Variants in ARHGEF10L observed in about 807,000 individuals in gnomAD.
ARHGEF10L encodes Rho guanine nucleotide exchange factor 10 like.
In ARHGEF10L, 69 loss-of-function variants were observed where a neutral mutation model predicts 141.2. The ratio of observed to expected loss-of-function variants is 0.49; its 90% CI spans 0.40 to 0.60. The LOEUF is 0.60. ARHGEF10L is among the 20% of genes least tolerant of loss of function. ARHGEF10L has a pLI of 0.00. For missense variants in ARHGEF10L, 1,482 were observed against 1,734.3 expected, an observed-to-expected ratio of 0.85 and a Z score of 2.58; for synonymous variants, 711 against 718.5, an observed-to-expected ratio of 0.99 and a Z score of 0.17.
At chr1:17,548,056 T>G (rs536847708) in intron 1 of ARHGEF10L, among the ~76,000 whole-genome samples, 29 of 152,248 alleles carry the variant, frequency 1.9e-4, no homozygotes, top group Admixed American at 1.6e-3. Flanking sequence ...AGCTGTGTCA[T>G]AAGGCATGGA....
At chr1:17,651,025 G>A (rs946027709) in intron 22 of ARHGEF10L, among the ~76,000 whole-genome samples, 2 of 152,224 alleles carry the variant, frequency 1.3e-5, no homozygotes, top group African/African-American at 4.8e-5. Flanking sequence ...GGTGAGGCAA[G>A]TGAGCCAGGG....
At chr1:17,545,864 C>T (rs1440358880) in intron 1 of ARHGEF10L, among the ~76,000 whole-genome samples, 1 of 152,186 alleles carries the variant, frequency 6.6e-6, no homozygotes, top group Non-Finnish European at 1.5e-5. Flanking sequence ...CAATTCATGC[C>T]TCTGAACCTT....
rs369820477 is a variant in ARHGEF10L, at chr1:17,625,018, G to C, written c.1317+515G>C. Among the ~76,000 whole-genome samples the C allele has an allele frequency of 3.2e-4, 49 of 152,250 alleles. No individual in the cohort carries two copies. Among genetic ancestry groups the C allele is most frequent in the African/African-American group, 1.0e-3 (43 of 41,532 alleles). On this transcript the variant is annotated intron_variant, in intron 13 of 28. Coordinates refer to ENST00000361221, the MANE Select transcript of ARHGEF10L (RefSeq NM_018125.4). The surrounding 1 kb of genome is among the most constrained non-coding windows in gnomAD (Gnocchi z 4.5). ...GTCTGGTGAGTCAGAGCCCCTGCCT[G>C]TAGGGAGCCTGCTGGCTGGCAGAGG... is the stretch of plus-strand genomic sequence containing the variant.
Position 17,618,221 on chromosome 1 carries a change from T to C in ARHGEF10L, c.836-1118T>C, listed in dbSNP as rs529810581. ...GCTGGGAACTCTTCCTGGGTCACCC[T>C]CCCAACCCCAGGCTGGCTAGGGCTC... is the stretch of plus-strand genomic sequence containing the variant. On this transcript the variant is annotated intron_variant, in intron 9 of 28. Transcript: ENST00000361221. 276 of 1,152,164 alleles carry C rather than the reference T, an allele frequency of 2.4e-4. 4 individuals carry two copies. The East Asian group carries it at 8.0e-3, about 33-fold the overall frequency. The allele number at this position is 1,152,164 out of a possible 1,614,324, so 71.4% of individuals were successfully genotyped here.
chr1:17,535,425 T>C (rs1477868032), upstream of ARHGEF10L, among the ~76,000 whole-genome samples: 1 of 152,142 alleles, frequency 6.6e-6, no homozygotes, highest in Non-Finnish European at 1.5e-5. Flanking sequence ...GGCCTGAGGG[T>C]TGGGGACCCC....
At chr1:17,584,555 A>G (rs1473008296) in intron 2 of ARHGEF10L, among the ~76,000 whole-genome samples, 1 of 152,172 alleles carries the variant, frequency 6.6e-6, no homozygotes, top group Non-Finnish European at 1.5e-5. Context: ...TATGCTGACA[A>G]CAGCCATAGA....
chr1:17,643,299 AT>A (rs1331058899), intron 21 of ARHGEF10L, among the ~76,000 whole-genome samples: 3 of 151,994 alleles, frequency 2.0e-5, no homozygotes, highest in East Asian at 3.9e-4. Context: ...TAATCTGAAG[AT>A]TGAGAAAGGA....
chr1:17,614,109 G>C lies in ARHGEF10L; in HGVS notation c.726+935G>C, dbSNP rs150515695. Among the ~76,000 whole-genome samples, 6 of 152,346 alleles carry C rather than the reference G, an allele frequency of 3.9e-5. No individual in the cohort carries two copies. The East Asian group carries it at 1.2e-3, about 29-fold the overall frequency. On this transcript the variant is annotated intron_variant, in intron 8 of 28. Transcript: ENST00000361221. Reference sequence around the variant, plus strand: ...GCTAGTGGCCACAGCAGTGGTTCACGACAGAGCTGGGATTCCAACTTGGGT... The same window carrying C: ...GCTAGTGGCCACAGCAGTGGTTCACCACAGAGCTGGGATTCCAACTTGGGT...
chr1:17,684,746 CT>C (rs2064419956), intron 26 of ARHGEF10L, among the ~76,000 whole-genome samples: 1 of 152,230 alleles, frequency 6.6e-6, no homozygotes, highest in African/African-American at 2.4e-5. Context: ...GGGCATCCCC[CT>C]GGTCAGGGGT....
intron 4 of ARHGEF10L, among the ~76,000 whole-genome samples, chr1:17,595,740 C>A (rs2080031544): frequency 6.6e-6 from 1 of 152,028 alleles, no homozygotes; most frequent in African/African-American, 2.4e-5. Flanking sequence ...AAGGAGGGGG[C>A]GGGGAAGCAG....
intron 25 of ARHGEF10L, among the ~76,000 whole-genome samples, chr1:17,661,734 A>G (rs1305721139): frequency 2.0e-5 from 3 of 152,146 alleles, no homozygotes; most frequent in East Asian, 1.9e-4. Flanking sequence ...CCAGCCACGA[A>G]CACTACTCAC....
intron 7 of ARHGEF10L, among the ~76,000 whole-genome samples, chr1:17,609,721 G>A (rs1342433231): frequency 6.6e-6 from 1 of 152,150 alleles, no homozygotes; most frequent in Non-Finnish European, 1.5e-5. Context: ...AATCAGAGAC[G>A]CCTCTGAGAG....
the ARHGEF10L span, among the ~76,000 whole-genome samples, chr1:17,513,452 T>G: frequency 6.6e-5 from 10 of 152,298 alleles, no homozygotes; most frequent in Non-Finnish European, 1.0e-4. Flanking sequence ...GAGAGGGCAT[T>G]CATTCTCCAA....
chr1:17,606,687 T>C, intron 6 of ARHGEF10L, among the ~76,000 whole-genome samples: 1 of 152,200 alleles, frequency 6.6e-6, no homozygotes, highest in East Asian at 1.9e-4. Flanking sequence ...CATTTTCATC[T>C]TCATGTACTT....
chr1:17,622,912 C>G (rs2060182471), intron 11 of ARHGEF10L, 84 bp from the exon 12 acceptor site: 5 of 1,456,092 alleles, frequency 3.4e-6, no homozygotes, highest in Middle Eastern at 2.5e-4. Context: ...AAGGCCCATT[C>G]ATGGCTGGCC....
At chr1:17,533,400 C>T in the ARHGEF10L span, among the ~76,000 whole-genome samples, 2 of 152,068 alleles carry the variant, frequency 1.3e-5, no homozygotes, top group African/African-American at 4.8e-5. Flanking sequence ...GAACTCTTGG[C>T]CTCAAGCAAT....
Position 17,542,920 on chromosome 1 carries a change from C to G in ARHGEF10L, c.-44+2970C>G, listed in dbSNP as rs572714789. 2.0e-5 allele frequency among the ~76,000 whole-genome samples: 3 copies of G among 152,262 alleles called. No homozygotes were observed. The South Asian group carries it at 6.2e-4, about 32-fold the overall frequency. On this transcript the variant is annotated intron_variant, in intron 1 of 28. Transcript: ENST00000361221. ...CCAGTGCCTTTTGTATTCCTGTCACCCGGCTAGACAAGGGTGAATGGGCCA... is the reference window on the plus strand; with the variant it reads ...CCAGTGCCTTTTGTATTCCTGTCACGCGGCTAGACAAGGGTGAATGGGCCA...
chr1:17,635,661 G>A (rs574245116), intron 18 of ARHGEF10L, among the ~76,000 whole-genome samples: 37 of 152,262 alleles, frequency 2.4e-4, no homozygotes, highest in Middle Eastern at 6.8e-3. Context: ...GGGCCAGGTC[G>A]CCCCTCCTGT....
intron 26 of ARHGEF10L, among the ~76,000 whole-genome samples, chr1:17,672,602 G>A (rs951899904): frequency 1.3e-5 from 2 of 152,102 alleles, no homozygotes; most frequent in African/African-American, 4.8e-5. Flanking sequence ...CATTGTGGTT[G>A]TCACCCTGTT....
Sources: gnomAD v4.1 joint callset for allele counts (sites outside exome capture counted in the v4.1 genomes callset) on GRCh38, gnomAD v4.1.1 for gene constraint, Gnocchi (gnomAD v3.1) non-coding constraint, MANE v1.5 for transcripts, NCBI Gene and HGNC (gene_info 2026-07-23, HGNC 2026-07-21) for gene names.